PRKCH: variants seen among roughly 807,000 people sequenced by gnomAD.
The protein encoded by PRKCH is protein kinase C eta type.
A neutral mutation model predicts 82.5 loss-of-function variants in PRKCH; 28 were observed. The ratio of observed to expected loss-of-function variants is 0.34; its 90% CI spans 0.25 to 0.47. The LOEUF (loss-of-function observed/expected upper bound fraction) is 0.47. Ranked by LOEUF, PRKCH falls within the 20% of genes least tolerant of loss-of-function variation. PRKCH has a pLI of 1.00. For missense variants in PRKCH, 705 were observed against 881.8 expected, an observed-to-expected ratio of 0.80 and a Z score of 2.54; for synonymous variants, 322 against 327.4, an observed-to-expected ratio of 0.98 and a Z score of 0.18.
chr14:61,369,510 A>G (rs2046339587), intron 1 of PRKCH, among the ~76,000 whole-genome samples: 1 of 152,156 alleles, frequency 6.6e-6, no homozygotes, highest in Admixed American at 6.5e-5. Flanking sequence ...CTCAACTTTA[A>G]GAAAATTTTA....
At chr14:61,346,210 A>G (rs1238804620) in intron 1 of PRKCH, among the ~76,000 whole-genome samples, 1 of 152,156 alleles carries the variant, frequency 6.6e-6, no homozygotes, top group African/African-American at 2.4e-5. Flanking sequence ...TTAGCAATTT[A>G]ATGAATGAGG....
chr14:61,345,222 G>C (rs1401990636), intron 1 of PRKCH, among the ~76,000 whole-genome samples: 1 of 152,162 alleles, frequency 6.6e-6, no homozygotes, highest in East Asian at 1.9e-4. Context: ...TTCTGTCACT[G>C]TGGTCCCTTT....
Position 61,280,601 on chromosome 14 carries a change from C to G in PRKCH, c.-19+92933C>G. The G allele has an allele frequency of 1.3e-6, 2 of 1,588,590 alleles. No individual in the cohort carries two copies. The highest frequency in any genetic ancestry group is 1.1e-5 in the South Asian group (1 of 88,680). The stretch of plus-strand genomic sequence containing the variant: ...AGCGGCACCTCGACGTAGGGCCCGC[C>G]GGGCTGGCGCTGGTGCCAAAGCGAG... On this transcript the variant is annotated intron_variant, in intron 1 of 3. Coordinates refer to the PRKCH transcript ENST00000555185. The surrounding 1 kb of genome is among the most constrained non-coding windows in gnomAD (Gnocchi z 5.0).
At chr14:61,392,774 T>G (rs2046704136) in intron 2 of PRKCH, among the ~76,000 whole-genome samples, 1 of 152,108 alleles carries the variant, frequency 6.6e-6, no homozygotes, top group African/African-American at 2.4e-5. Context: ...CTTTTGTAGT[T>G]CATATGTTTT....
At chr14:61,369,693 A>G (rs2140171429) in intron 1 of PRKCH, among the ~76,000 whole-genome samples, 1 of 152,176 alleles carries the variant, frequency 6.6e-6, no homozygotes, top group East Asian at 1.9e-4. Flanking sequence ...TGTCTTTCGA[A>G]TCAACTCTAA....
Position 61,530,457 on chromosome 14 carries a change from C to T in PRKCH, c.1623C>T (p.Gly541=), listed in dbSNP as rs750561562. The change falls in exon 12 of 14, where the codon GGC becomes GGT. Residue 541 remains glycine (G), a synonymous_variant. Transcript: ENST00000332981. ...CTGCAGTAGACTGGTGGGCAATGGG[C>T]GTGTTGCTCTATGAGATGCTCTGTG... ...YGPAVDWWAM[G]VLLYEMLCGH... is the part of the protein sequence containing the mutation. 4.3e-6 allele frequency: 7 copies of T among 1,609,930 alleles called. No homozygotes were observed. The highest frequency in any genetic ancestry group is 1.7e-5 in the Admixed American group (1 of 59,392).
In PRKCH at chr14:61,550,108, C is replaced by G. The variant is rs976243658; in HGVS notation, c.*277C>G. On this transcript the variant is annotated 3_prime_UTR_variant, in exon 14 of 14. Coordinates refer to ENST00000332981, the MANE Select transcript of PRKCH (RefSeq NM_006255.5). Reference sequence around the variant, plus strand: ...TGTCTCTGTGGGCTTGGGATGTTAACAGGAGCCAAAAGGAGGGAAAGTGTG... The same window carrying G: ...TGTCTCTGTGGGCTTGGGATGTTAAGAGGAGCCAAAAGGAGGGAAAGTGTG... 3.3e-6 allele frequency: 1 copy of G among 306,964 alleles called. No homozygotes were observed. Among genetic ancestry groups the G allele is most frequent in the African/African-American group, 2.1e-5 (1 of 47,220 alleles). The allele number at this position is 306,964 out of a possible 1,614,324, so 19.0% of individuals were successfully genotyped here.
chr14:61,463,652 T>C (rs1885127171), intron 9 of PRKCH, among the ~76,000 whole-genome samples: 2 of 152,186 alleles, frequency 1.3e-5, no homozygotes, highest in Admixed American at 6.5e-5. Flanking sequence ...ACAAAAATAA[T>C]ATAAAGAATA....
At chr14:61,391,042 A>G (rs1455607318) in intron 1 of PRKCH, among the ~76,000 whole-genome samples, 183 bp from the exon 2 acceptor site, 1 of 152,206 alleles carries the variant, frequency 6.6e-6, no homozygotes, top group Non-Finnish European at 1.5e-5. Context: ...GTTTCTTTTC[A>G]GTCTTTACAG....
At chr14:61,511,334 AG>A (rs1389831511) in intron 10 of PRKCH, among the ~76,000 whole-genome samples, 1 of 152,160 alleles carries the variant, frequency 6.6e-6, no homozygotes, top group Non-Finnish European at 1.5e-5. Flanking sequence ...CTCCTCTAGA[AG>A]GCCCACTGCA....
At chr14:61,489,483 T>C (rs1406018602) in intron 10 of PRKCH, among the ~76,000 whole-genome samples, 1 of 152,256 alleles carries the variant, frequency 6.6e-6, no homozygotes, top group Non-Finnish European at 1.5e-5. Context: ...TCTTGTGTTC[T>C]GACCCTGATT....
chr14:61,490,984 T>C (rs914244878), intron 10 of PRKCH, among the ~76,000 whole-genome samples: 1 of 152,114 alleles, frequency 6.6e-6, no homozygotes, highest in Non-Finnish European at 1.5e-5. Flanking sequence ...ATGCCTGAGT[T>C]ACTGTGCACT....
chr14:61,517,582 A>G (rs3751292), intron 10 of PRKCH, among the ~76,000 whole-genome samples: 1 of 152,212 alleles, frequency 6.6e-6, no homozygotes, highest in South Asian at 2.1e-4. Flanking sequence ...TAACAGCCAC[A>G]GTGACAGTGC....
rs1357562421 is a variant in PRKCH, at chr14:61,477,858, G to T, written c.1279-7644G>T. Among the ~76,000 whole-genome samples the T allele has an allele frequency of 3.3e-5, 5 of 152,274 alleles. No individual in the cohort carries two copies. The East Asian group carries it at 9.6e-4, about 29-fold the overall frequency. On this transcript the variant is annotated intron_variant, in intron 9 of 13. Transcript: ENST00000332981. ...ACCTCCTTCGACCCTCTATACCCTT[G>T]TCCCACACTGAGGGTTGGGGGAGCT...
intron 1 of PRKCH, among the ~76,000 whole-genome samples, chr14:61,349,777 CT>C (rs576087729): frequency 1.3e-3 from 204 of 152,234 alleles, no homozygotes; most frequent in Non-Finnish European, 1.6e-3. Context: ...AGGATAATTG[CT>C]TGAACCTGGG....
At chr14:61,386,239 T>C (rs1400319106) in intron 1 of PRKCH, among the ~76,000 whole-genome samples, 2 of 152,140 alleles carry the variant, frequency 1.3e-5, no homozygotes, top group South Asian at 2.1e-4. Flanking sequence ...TAGGAAGGGG[T>C]TTAGTGTCTA....
intron 4 of PRKCH, 86 bp from the exon 5 acceptor site, chr14:61,449,078 C>G: frequency 7.9e-7 from 1 of 1,268,664 alleles, no homozygotes; most frequent in Non-Finnish European, 1.1e-6. Context: ...GTCTTGTTGG[C>G]ACGGTGCAGC....
chr14:61,444,681 A>G (rs1884135878), intron 3 of PRKCH, among the ~76,000 whole-genome samples: 1 of 152,196 alleles, frequency 6.6e-6, no homozygotes. Context: ...GGCTAAGAGT[A>G]TGGACTCTGA....
At chr14:61,388,138 ACT>A (rs1321159885) in intron 1 of PRKCH, among the ~76,000 whole-genome samples, 2 of 128,154 alleles carry the variant, frequency 1.6e-5, no homozygotes, top group Admixed American at 1.7e-4. Context: ...ACAGAGCGAG[ACT>A]CTGTCTCAAA....
Sources: gnomAD v4.1 joint callset for allele counts (sites outside exome capture counted in the v4.1 genomes callset) on GRCh38, gnomAD v4.1.1 for gene constraint, Gnocchi (gnomAD v3.1) non-coding constraint, MANE v1.5 for transcripts, NCBI Gene and HGNC (gene_info 2026-07-23, HGNC 2026-07-21) for gene names.